Variants in EPHA3 observed in about 807,000 individuals in gnomAD.
The protein encoded by EPHA3 is ephrin type-A receptor 3.
Under a neutral mutation model 107.1 loss-of-function variants are expected in EPHA3, and 42 were observed. The ratio of observed to expected loss-of-function variants is 0.39; its 90% CI spans 0.31 to 0.51. EPHA3 has a LOEUF of 0.51. EPHA3 is among the 20% of genes least tolerant of loss of function. The pLI, the probability that EPHA3 is intolerant of heterozygous loss-of-function variation, is 0.78. For synonymous variants in EPHA3, 461 were observed against 424.8 expected (o/e 1.09, Z -1.05); for missense variants, 1,183 against 1,211.2 (o/e 0.98, Z 0.35).
chr3:89,396,217 T>C (rs1708849315), intron 6 of EPHA3, among the ~76,000 whole-genome samples: 1 of 152,244 alleles, frequency 6.6e-6, no homozygotes, highest in African/African-American at 2.4e-5. Flanking sequence ...GGCAATAGCA[T>C]GACATTTATC....
chr3:89,167,776 T>C (rs192294549), intron 2 of EPHA3, among the ~76,000 whole-genome samples: 2 of 152,142 alleles, frequency 1.3e-5, no homozygotes, highest in Non-Finnish European at 2.9e-5. Flanking sequence ...TCTTTTCAAC[T>C]GGAGCAAGAT....
At chr3:89,387,829 T>C (rs554724997) in intron 5 of EPHA3, among the ~76,000 whole-genome samples, 1 of 152,170 alleles carries the variant, frequency 6.6e-6, no homozygotes, top group Non-Finnish European at 1.5e-5. Flanking sequence ...AAATTTTTTA[T>C]TTCTCCACGC....
At chr3:89,413,924 T>C (rs1398194) in intron 10 of EPHA3, among the ~76,000 whole-genome samples, 16,172 of 151,654 alleles carry the variant, frequency 0.11, 1,167 homozygotes, top group African/African-American at 0.21. Context: ...AATAACAGTA[T>C]TTTATATATT....
At chr3:89,242,936 G>A (rs1348433627) in intron 3 of EPHA3, among the ~76,000 whole-genome samples, 7 of 125,276 alleles carry the variant, frequency 5.6e-5, no homozygotes, top group African/African-American at 2.2e-4. Context: ...CCCGGTGTGT[G>A]ATGTTCCCCT....
chr3:89,133,755 T>A (rs73845987), intron 2 of EPHA3, among the ~76,000 whole-genome samples: 1,779 of 152,276 alleles, frequency 0.012, 39 homozygotes, highest in African/African-American at 0.039. Context: ...ATGCCTCTCA[T>A]CAATTTGCTG....
intron 5 of EPHA3, among the ~76,000 whole-genome samples, chr3:89,362,244 T>C (rs1250345033): frequency 6.6e-6 from 1 of 151,108 alleles, no homozygotes; most frequent in African/African-American, 2.4e-5. Flanking sequence ...GAATGAACCA[T>C]GAAAAAGAAG....
chr3:89,415,850 A>G (rs1709236829), intron 10 of EPHA3, among the ~76,000 whole-genome samples: 1 of 151,500 alleles, frequency 6.6e-6, no homozygotes, highest in Non-Finnish European at 1.5e-5. Context: ...GAATAAACAA[A>G]AGCTGAGAAT....
rs537484581 is a variant in EPHA3, at chr3:89,251,177, T to C, written c.814+40657T>C. ...TCTGGAGATACTTTTATCAAACTAC[T>C]AGGGTTTTTTGGTTTGTTTTTTTAA... On this transcript the variant is annotated intron_variant, in intron 3 of 16. Coordinates refer to ENST00000336596, the MANE Select transcript of EPHA3 (RefSeq NM_005233.6). Among the ~76,000 whole-genome samples the C allele has an allele frequency of 5.9e-5, 9 of 152,254 alleles. No homozygotes were observed. In the South Asian group the frequency reaches 1.5e-3, roughly 25 times the overall value.
At chr3:89,253,788 TG>T (rs1705217071) in intron 3 of EPHA3, among the ~76,000 whole-genome samples, 1 of 150,802 alleles carries the variant, frequency 6.6e-6, no homozygotes, top group Non-Finnish European at 1.5e-5. Flanking sequence ...TTATAGTTTG[TG>T]GTTAGTTTAT....
At chr3:89,470,285 G>A (rs1388695130) in intron 15 of EPHA3, among the ~76,000 whole-genome samples, 1 of 151,966 alleles carries the variant, frequency 6.6e-6, no homozygotes, top group African/African-American at 2.4e-5. Flanking sequence ...TAAATTTCTA[G>A]TTACTTAAAA....
intron 11 of EPHA3, 101 bp downstream of exon 11, chr3:89,419,491 A>T: frequency 9.7e-7 from 1 of 1,036,088 alleles, no homozygotes; most frequent in Non-Finnish European, 1.4e-6. Context: ...TTTCATAAGT[A>T]TCTCAGTTTT....
At chr3:89,384,735 G>T (rs540600092) in intron 5 of EPHA3, among the ~76,000 whole-genome samples, 20 of 152,228 alleles carry the variant, frequency 1.3e-4, no homozygotes, top group Middle Eastern at 3.4e-3. Flanking sequence ...CACCAGATCC[G>T]TTAGCAGCTT....
At chr3:89,139,060 C>T (rs920765997) in intron 2 of EPHA3, among the ~76,000 whole-genome samples, 1 of 151,698 alleles carries the variant, frequency 6.6e-6, no homozygotes, top group Non-Finnish European at 1.5e-5. Context: ...AGTCAATATT[C>T]TTTTGGGCCT....
intron 3 of EPHA3, among the ~76,000 whole-genome samples, chr3:89,293,434 A>G (rs1706265680): frequency 6.6e-6 from 1 of 152,076 alleles, no homozygotes; most frequent in African/African-American, 2.4e-5. Context: ...GAGTCGGGGA[A>G]CTTTCTTTTA....
chr3:89,196,534 A>C (rs905130001), intron 2 of EPHA3, among the ~76,000 whole-genome samples: 1 of 148,152 alleles, frequency 6.7e-6, no homozygotes, highest in Non-Finnish European at 1.5e-5. Flanking sequence ...TCAATGAAAG[A>C]TCAACTTCAT....
intron 5 of EPHA3, among the ~76,000 whole-genome samples, chr3:89,391,911 C>CA (rs1046029755): frequency 1.3e-5 from 2 of 151,994 alleles, no homozygotes; most frequent in African/African-American, 4.8e-5. Flanking sequence ...ACCAATACAA[C>CA]AAAAATGTAT....
At chr3:89,471,235 G>A (rs1008921839) in intron 15 of EPHA3, among the ~76,000 whole-genome samples, 3 of 151,500 alleles carry the variant, frequency 2.0e-5, no homozygotes, top group African/African-American at 4.8e-5. Context: ...GCCTCTTCAG[G>A]GAGGCAAACA....
chr3:89,178,499 G>T (rs536136999), intron 2 of EPHA3, among the ~76,000 whole-genome samples: 1 of 152,050 alleles, frequency 6.6e-6, no homozygotes, highest in African/African-American at 2.4e-5. Flanking sequence ...AGAAATTCTT[G>T]TTCTGAATTT....
Position 89,466,794 on chromosome 3 carries a change from G to A in EPHA3, c.2691-5670G>A, listed in dbSNP as rs1286444632. On this transcript the variant is annotated intron_variant, in intron 15 of 16. Coordinates refer to ENST00000336596, the MANE Select transcript of EPHA3 (RefSeq NM_005233.6). Reference sequence around the variant, plus strand: ...AAATGCAGAAATCACCGTCTTATGCGTCGCTCACGCTGGGAGCTGTAGACC... The same window carrying A: ...AAATGCAGAAATCACCGTCTTATGCATCGCTCACGCTGGGAGCTGTAGACC... 2.9e-5 allele frequency among the ~76,000 whole-genome samples: 4 copies of A among 138,478 alleles called. 1 individual carries two copies. Among genetic ancestry groups the A allele is most frequent in the Non-Finnish European group, 6.4e-5 (4 of 62,540 alleles). 90.8% of individuals were successfully genotyped at this position (138,478 alleles called of 152,430 possible).
Sources: allele counts gnomAD v4.1 joint callset (sites outside exome capture counted in the v4.1 genomes callset), GRCh38; gene constraint gnomAD v4.1.1; transcripts MANE v1.5; gene names NCBI Gene and HGNC (gene_info 2026-07-23, HGNC 2026-07-21).